GAREM1: variants seen among roughly 807,000 people sequenced by gnomAD.
The protein encoded by GAREM1 is GRB2 associated regulator of MAPK1 subtype 1.
Under a neutral mutation model 71.3 loss-of-function variants are expected in GAREM1, and 26 were observed. The observed-to-expected ratio is 0.36, with a 90% CI of 0.27 to 0.51. The LOEUF is 0.51. Ranked by LOEUF, GAREM1 falls within the 20% of genes least tolerant of loss-of-function variation. GAREM1 has a pLI of 0.95. For missense variants in GAREM1, 1,026 were observed against 1,103.1 expected (o/e 0.93, Z 0.99); for synonymous variants, 440 against 433.2 (o/e 1.02, Z -0.20).
chr18:32,366,895 G>A (rs2047933063), intron 2 of GAREM1, among the ~76,000 whole-genome samples: 1 of 152,196 alleles, frequency 6.6e-6, no homozygotes, highest in Non-Finnish European at 1.5e-5. Context: ...CAGGTGAAAT[G>A]TAAGCTTGAA....
At position 32,281,934 on chromosome 18, in the gene GAREM1, G is replaced by A. The variant is rs375417228; in HGVS notation, c.1566+5097C>T. On this transcript the variant is annotated intron_variant, in intron 4 of 5. Coordinates refer to ENST00000269209, the MANE Select transcript of GAREM1 (RefSeq NM_001242409.2). ...CACCACAAAAGAAGTGTAAATGGCC[G>A]GTCCTTGCCTTAACTGATGACATTA... is the stretch of plus-strand genomic sequence containing the variant. 5.9e-5 allele frequency among the ~76,000 whole-genome samples: 9 copies of A among 152,224 alleles called. No individual in the cohort carries two copies. The South Asian group carries it at 8.3e-4, about 14-fold the overall frequency.
At chr18:32,466,294 G>A (rs942223664) in intron 1 of GAREM1, among the ~76,000 whole-genome samples, 2 of 146,154 alleles carry the variant, frequency 1.4e-5, no homozygotes, top group Non-Finnish European at 3.0e-5. Flanking sequence ...AGAATTTAAA[G>A]AGATAAAGAA....
Position 32,331,983 on chromosome 18 carries a change from T to C in GAREM1, c.263-21660A>G, listed in dbSNP as rs111758175. ...CATTGGTCTTTTCCCTCCTCCCTTG[T>C]AGACATCACAGAACTGACTGTGTCC... On this transcript the variant is annotated intron_variant, in intron 2 of 5. Transcript: ENST00000269209. 9.9e-4 allele frequency among the ~76,000 whole-genome samples: 149 copies of C among 150,652 alleles called. 1 individual carries two copies. The highest frequency in any genetic ancestry group is 3.5e-3 in the African/African-American group (142 of 40,966).
chr18:32,461,222 T>C (rs542613221), intron 1 of GAREM1, among the ~76,000 whole-genome samples: 1 of 152,324 alleles, frequency 6.6e-6, no homozygotes, highest in Admixed American at 6.5e-5. Flanking sequence ...GATTTGCTCA[T>C]TCATTTATTA....
intron 1 of GAREM1, among the ~76,000 whole-genome samples, chr18:32,462,792 T>C (rs551284731): frequency 3.3e-5 from 5 of 152,332 alleles, no homozygotes; most frequent in African/African-American, 1.2e-4. Context: ...TTTTTATATA[T>C]GGCATTAGAT....
Position 32,286,125 on chromosome 18 carries a change from A to T in GAREM1, c.1566+906T>A, listed in dbSNP as rs932936421. On this transcript the variant is annotated intron_variant, in intron 4 of 5. Transcript: ENST00000269209. ...ACCTCTAGCCCTTTCTCCCTCAGGG[A>T]TAATGAAATTCAGTGATCAAAAATG... Among the ~76,000 whole-genome samples the T allele has an allele frequency of 3.3e-5, 5 of 152,242 alleles. No individual in the cohort carries two copies. In the East Asian group the frequency reaches 9.6e-4, roughly 29 times the overall value.
At chr18:32,299,244 G>A (rs1361286858) in intron 3 of GAREM1, among the ~76,000 whole-genome samples, 1 of 152,152 alleles carries the variant, frequency 6.6e-6, no homozygotes, top group Non-Finnish European at 1.5e-5. Context: ...GCCAGGAGCG[G>A]TGGCTCATGC....
At chr18:32,370,400 C>G (rs1301126973) in intron 2 of GAREM1, among the ~76,000 whole-genome samples, 1 of 125,210 alleles carries the variant, frequency 8.0e-6, no homozygotes, top group Non-Finnish European at 1.6e-5. Context: ...TCCAGCCTGG[C>G]AACAGAGCAA....
intron 2 of GAREM1, among the ~76,000 whole-genome samples, chr18:32,317,925 A>AT (rs2047395888): frequency 7.3e-6 from 1 of 137,288 alleles, no homozygotes; most frequent in Admixed American, 6.9e-5. Context: ...GGAGGAACTA[A>AT]TTTTTTAAGA....
chr18:32,356,658 CT>C (rs897097746), intron 2 of GAREM1, among the ~76,000 whole-genome samples: 5 of 152,286 alleles, frequency 3.3e-5, no homozygotes, highest in South Asian at 2.1e-4. Flanking sequence ...TCAATCTCCC[CT>C]ATGACATATG....
At chr18:32,433,397 C>T (rs1011270667) in intron 1 of GAREM1, among the ~76,000 whole-genome samples, 1 of 151,422 alleles carries the variant, frequency 6.6e-6, no homozygotes, top group Non-Finnish European at 1.5e-5. Flanking sequence ...CCCACTCTTA[C>T]CACTCTTATT....
At chr18:32,461,793 A>G (rs966607806) in intron 1 of GAREM1, among the ~76,000 whole-genome samples, 2 of 152,218 alleles carry the variant, frequency 1.3e-5, no homozygotes, top group Admixed American at 1.3e-4. Context: ...CCCATGGCAT[A>G]TCATAGCTGG....
At chr18:32,394,519 G>C (rs2048232110) in intron 1 of GAREM1, among the ~76,000 whole-genome samples, 1 of 152,184 alleles carries the variant, frequency 6.6e-6, no homozygotes, top group African/African-American at 2.4e-5. Flanking sequence ...GAGAAAAATA[G>C]ATCTGGAAGT....
intron 1 of GAREM1, among the ~76,000 whole-genome samples, chr18:32,451,455 C>G (rs914233196): frequency 2.0e-5 from 3 of 152,182 alleles, no homozygotes; most frequent in African/African-American, 7.2e-5. Context: ...CTGCAACCTG[C>G]TTCTCTATCT....
At chr18:32,295,778 T>C (rs554171378) in intron 3 of GAREM1, among the ~76,000 whole-genome samples, 2 of 152,276 alleles carry the variant, frequency 1.3e-5, no homozygotes, top group Admixed American at 1.3e-4. Flanking sequence ...ATTGTTTTAA[T>C]GGGAATATAT....
chr18:32,406,642 A>T (rs2048369755), intron 1 of GAREM1, among the ~76,000 whole-genome samples: 1 of 152,214 alleles, frequency 6.6e-6, no homozygotes, highest in Admixed American at 6.5e-5. Flanking sequence ...TGAAAGAAAT[A>T]ACTAATTGGC....
At chr18:32,419,388 TGGGAAGTA>T (rs2048499075) in intron 1 of GAREM1, among the ~76,000 whole-genome samples, 1 of 152,052 alleles carries the variant, frequency 6.6e-6, no homozygotes, top group African/African-American at 2.4e-5. Context: ...GTGGGGCATC[TGGGAAGTA>T]AGTAGAGGGT....
chr18:32,270,897 G>GTTTTTTT lies in GAREM1; in HGVS notation c.1567-521_1567-515dup, dbSNP rs58914123. Among the ~76,000 whole-genome samples, 90 of 92,614 alleles carry GTTTTTTT rather than the reference G, an allele frequency of 9.7e-4. 1 individual carries two copies. Among genetic ancestry groups the GTTTTTTT allele is most frequent in the Non-Finnish European group, 1.4e-3 (70 of 51,166 alleles). 60.8% of individuals were successfully genotyped at this position (92,614 alleles called of 152,430 possible). On this transcript the variant is annotated intron_variant, in intron 4 of 5. Transcript: ENST00000269209. ...TCCTTCTGAAGTCATGTTCAGGGATGTTTTTTTTTTTTTTTTTTTTTTGAG... is the reference window on the plus strand; with the variant it reads ...TCCTTCTGAAGTCATGTTCAGGGATGTTTTTTTTTTTTTTTTTTTTTTTTTTTTTGAG...
intron 3 of GAREM1, among the ~76,000 whole-genome samples, chr18:32,289,396 T>C (rs1023483450): frequency 6.6e-6 from 1 of 152,208 alleles, no homozygotes; most frequent in African/African-American, 2.4e-5. Flanking sequence ...AGGTAAAGCA[T>C]GCATGCTGAA....
Sources: allele counts gnomAD v4.1 joint callset (sites outside exome capture counted in the v4.1 genomes callset), GRCh38; gene constraint gnomAD v4.1.1; transcripts MANE v1.5; gene names NCBI Gene and HGNC (gene_info 2026-07-23, HGNC 2026-07-21).